Variants in EPB41L2 observed in about 807,000 individuals in gnomAD.
EPB41L2 encodes the protein band 4.1-like protein 2.
In EPB41L2, 43 loss-of-function variants were observed where a neutral mutation model predicts 113.0. The ratio of observed to expected loss-of-function variants is 0.38; its 90% CI spans 0.30 to 0.49. The LOEUF (loss-of-function observed/expected upper bound fraction) is 0.49. Ranked by LOEUF, EPB41L2 falls within the 20% of genes least tolerant of loss-of-function variation. The pLI, the probability that EPB41L2 is intolerant of heterozygous loss-of-function variation, is 0.95. For synonymous variants in EPB41L2, 442 were observed against 436.7 expected, an observed-to-expected ratio of 1.01 and a Z score of -0.15; for missense variants, 1,147 against 1,223.4, an observed-to-expected ratio of 0.94 and a Z score of 0.93.
chr6:130,966,631 C>T (rs1182352633), intron 1 of EPB41L2, among the ~76,000 whole-genome samples: 3 of 152,040 alleles, frequency 2.0e-5, no homozygotes, highest in Admixed American at 6.6e-5. Flanking sequence ...AGATGACTGC[C>T]GAGGTACAGA....
At chr6:130,979,880 T>C (rs950712731) in intron 1 of EPB41L2, among the ~76,000 whole-genome samples, 1 of 152,176 alleles carries the variant, frequency 6.6e-6, no homozygotes, top group Admixed American at 6.5e-5. Context: ...AATGTGGAAC[T>C]GCTCAGCCAA....
At chr6:130,954,097 GGCTGGAGT>G (rs2128618271) in intron 3 of EPB41L2, among the ~76,000 whole-genome samples, 1 of 114,740 alleles carries the variant, frequency 8.7e-6, no homozygotes, top group South Asian at 3.0e-4. Flanking sequence ...CTGTCGCCCA[GGCTGGAGT>G]GCAGTGGCGC....
At chr6:130,853,269 C>G (rs1353147288) in intron 19 of EPB41L2, among the ~76,000 whole-genome samples, 1 of 152,158 alleles carries the variant, frequency 6.6e-6, no homozygotes, top group East Asian at 1.9e-4. Flanking sequence ...TACCTGACAT[C>G]AATTATTACT....
chr6:130,977,797 A>C (rs1285065862), intron 1 of EPB41L2, among the ~76,000 whole-genome samples: 1 of 152,204 alleles, frequency 6.6e-6, no homozygotes, highest in African/African-American at 2.4e-5. Context: ...CTGCTAACCT[A>C]CCTATATAAT....
chr6:131,056,831 G>A (rs1377235257), intron 1 of EPB41L2, among the ~76,000 whole-genome samples: 1 of 152,150 alleles, frequency 6.6e-6, no homozygotes, highest in East Asian at 1.9e-4. Flanking sequence ...AAATAGAGTG[G>A]ACATGTTACT....
intron 1 of EPB41L2, among the ~76,000 whole-genome samples, chr6:131,015,021 G>A (rs554434314): frequency 6.6e-6 from 1 of 152,214 alleles, no homozygotes; most frequent in South Asian, 2.1e-4. Flanking sequence ...TGTTATTTTA[G>A]GTAATTTTTC....
At chr6:130,897,497 A>G (rs903588712) in intron 8 of EPB41L2, among the ~76,000 whole-genome samples, 1 of 152,210 alleles carries the variant, frequency 6.6e-6, no homozygotes, top group East Asian at 1.9e-4. Context: ...CTAAGAGACA[A>G]CATTAAAAAC....
At chr6:130,898,427 G>A (rs1369512023) in intron 8 of EPB41L2, among the ~76,000 whole-genome samples, 2 of 152,070 alleles carry the variant, frequency 1.3e-5, no homozygotes, top group African/African-American at 2.4e-5. Context: ...GATTGGCAGG[G>A]TCTTTTAAAA....
intron 1 of EPB41L2, among the ~76,000 whole-genome samples, chr6:130,979,490 GTC>G (rs1252211969): frequency 1.2e-5 from 1 of 86,174 alleles, no homozygotes; most frequent in African/African-American, 4.8e-5. Context: ...GCGAGACTCT[GTC>G]AAAAAAAAAA....
intron 12 of EPB41L2, among the ~76,000 whole-genome samples, chr6:130,883,840 G>A (rs561510360): frequency 2.0e-5 from 3 of 152,220 alleles, no homozygotes; most frequent in East Asian, 1.9e-4. Context: ...ATGGAATGTC[G>A]ATGATTTGAT....
chr6:131,012,337 G>A (rs1026815494), intron 1 of EPB41L2, among the ~76,000 whole-genome samples: 20 of 150,190 alleles, frequency 1.3e-4, no homozygotes, highest in East Asian at 2.0e-4. Context: ...CTCAACCTCC[G>A]CACTACCAAC....
At chr6:130,898,311 C>T (rs1795254732) in intron 8 of EPB41L2, among the ~76,000 whole-genome samples, 1 of 151,908 alleles carries the variant, frequency 6.6e-6, no homozygotes, top group African/African-American at 2.4e-5. Flanking sequence ...AACACAAATG[C>T]AAGAATTATT....
At chr6:130,872,789 T>C (rs1340220783) in intron 14 of EPB41L2, among the ~76,000 whole-genome samples, 1 of 152,154 alleles carries the variant, frequency 6.6e-6, no homozygotes, top group African/African-American at 2.4e-5. Context: ...GCTTGGCTGA[T>C]CACCAACTGA....
chr6:130,850,036 G>T (rs1187030614), intron 19 of EPB41L2, among the ~76,000 whole-genome samples: 1 of 152,196 alleles, frequency 6.6e-6, no homozygotes, highest in East Asian at 1.9e-4. Flanking sequence ...TCAGGAGTTC[G>T]AGACCAGCCT....
chr6:130,880,467 G>A (rs939859549), intron 12 of EPB41L2: 16 of 654,998 alleles, frequency 2.4e-5, no homozygotes, highest in Non-Finnish European at 4.1e-5. Flanking sequence ...TTCCAGCTGC[G>A]TTTCCTCTTC....
intron 4 of EPB41L2, among the ~76,000 whole-genome samples, chr6:130,919,754 C>T (rs745797397): frequency 2.1e-4 from 32 of 152,148 alleles, no homozygotes; most frequent in Non-Finnish European, 4.1e-4. Context: ...AGCTATGACA[C>T]TAAGGTTGCT....
At chr6:130,987,594 G>A (rs940983430) in intron 1 of EPB41L2, among the ~76,000 whole-genome samples, 2 of 152,116 alleles carry the variant, frequency 1.3e-5, no homozygotes, top group African/African-American at 4.8e-5. Flanking sequence ...TCCGGAGGCT[G>A]AGGCAGGAGA....
intron 3 of EPB41L2, among the ~76,000 whole-genome samples, chr6:130,951,635 T>C (rs1038202790): frequency 6.6e-6 from 1 of 151,978 alleles, no homozygotes; most frequent in African/African-American, 2.4e-5. Flanking sequence ...GCCTCATTAA[T>C]TTTAATGGCA....
At chr6:130,878,030 A>T (rs555501099) in intron 14 of EPB41L2, 74 bp downstream of exon 14, 9 of 1,441,192 alleles carry the variant, frequency 6.2e-6, no homozygotes, top group Non-Finnish European at 7.4e-6. Flanking sequence ...CCTAGACTCA[A>T]CATAGAGATT....
Sources: gnomAD v4.1 joint callset for allele counts (sites outside exome capture counted in the v4.1 genomes callset) on GRCh38, gnomAD v4.1.1 for gene constraint, MANE v1.5 for transcripts, NCBI Gene and HGNC (gene_info 2026-07-23, HGNC 2026-07-21) for gene names.